DOCK9: variants seen among roughly 807,000 people sequenced by gnomAD.
DOCK9 encodes dedicator of cytokinesis protein 9.
Under a neutral mutation model 263.3 loss-of-function variants are expected in DOCK9, and 89 were observed. The ratio of observed to expected loss-of-function variants is 0.34; its 90% CI spans 0.28 to 0.40. The LOEUF is 0.40. Among genes scored for constraint, DOCK9 ranks in the 10% least tolerant of loss-of-function variants. DOCK9 has a pLI of 1.00. For synonymous variants in DOCK9, 976 were observed against 973.1 expected (o/e 1.00, Z -0.06); for missense variants, 2,140 against 2,603.4 (o/e 0.82, Z 3.87).
intron 36 of DOCK9, 46 bp from the exon 37 acceptor site, chr13:98,848,685 T>A: frequency 6.4e-7 from 1 of 1,563,454 alleles, no homozygotes; most frequent in Non-Finnish European, 8.7e-7. Context: ...AAGATAAAAT[T>A]ATTTTCGGGA....
In DOCK9 at chr13:98,885,514, A is replaced by G. The variant is rs1594963548; in HGVS notation, c.2260+194T>C. ...CAGCTATTCAGGAGGCTGAGGTGGAAGGACAGCTTGAGCTCAAAAATTAAA... is the reference window on the plus strand; with the variant it reads ...CAGCTATTCAGGAGGCTGAGGTGGAGGGACAGCTTGAGCTCAAAAATTAAA... On this transcript the variant is annotated intron_variant, in intron 20 of 52. Transcript: ENST00000682017. The G allele has an allele frequency of 1.1e-5, 6 of 535,416 alleles. No individual in the cohort carries two copies. In the South Asian group the frequency reaches 1.3e-4, roughly 12 times the overall value. The allele number at this position is 535,416 out of a possible 1,614,324, so 33.2% of individuals were successfully genotyped here.
Position 98,811,158 on chromosome 13 carries a change from C to T in DOCK9, c.5131-867G>A, listed in dbSNP as rs941049821. ...TTGGATTGATTGATGTTAATCTCTC[C>T]GTGGAATTTCCTAGTGGGATCCAAT... On this transcript the variant is annotated intron_variant, in intron 45 of 52. Transcript: ENST00000682017. Among the ~76,000 whole-genome samples, 10 of 152,312 alleles carry T rather than the reference C, an allele frequency of 6.6e-5. No individual in the cohort carries two copies. The East Asian group carries it at 7.7e-4, about 12-fold the overall frequency.
At chr13:98,806,405 A>G (rs146282178) in intron 48 of DOCK9, among the ~76,000 whole-genome samples, 3 of 152,338 alleles carry the variant, frequency 2.0e-5, no homozygotes, top group Middle Eastern at 3.4e-3. Flanking sequence ...CAACAAATCA[A>G]TTTTGCACAT....
intron 1 of DOCK9, among the ~76,000 whole-genome samples, chr13:99,074,224 TG>T (rs751621305): frequency 2.0e-5 from 3 of 152,256 alleles, no homozygotes; most frequent in Non-Finnish European, 2.9e-5. Context: ...GGCAGGCAAC[TG>T]CAGCTGCAGA....
At chr13:98,897,402 C>T in intron 15 of DOCK9, 86 bp downstream of exon 15, 1 of 1,530,730 alleles carries the variant, frequency 6.5e-7, no homozygotes, top group Non-Finnish European at 8.8e-7. Context: ...CTAAATCGAG[C>T]AACCTAAGTG....
chr13:99,015,618 G>A (rs1330785663), intron 1 of DOCK9: 25 of 1,580,288 alleles, frequency 1.6e-5, no homozygotes, highest in Non-Finnish European at 2.0e-5. Flanking sequence ...TCCCCAAGGT[G>A]TGGATGTTCA....
At chr13:98,896,892 C>T (rs1025191734) in intron 15 of DOCK9, among the ~76,000 whole-genome samples, 10 of 152,160 alleles carry the variant, frequency 6.6e-5, no homozygotes, top group Non-Finnish European at 1.5e-4. Context: ...TCTGCAGATG[C>T]AATCAGTTAA....
intron 9 of DOCK9, among the ~76,000 whole-genome samples, chr13:98,909,019 A>G (rs1164423190): frequency 6.6e-6 from 1 of 152,218 alleles, no homozygotes; most frequent in Non-Finnish European, 1.5e-5. Context: ...TGGTCAGTCT[A>G]TATTGTGATG....
Position 98,829,905 on chromosome 13 carries a change from A to G in DOCK9, c.4636-149T>C. 2 of 624,334 alleles carry G rather than the reference A, an allele frequency of 3.2e-6. No individual in the cohort carries two copies. Among genetic ancestry groups the G allele is most frequent in the South Asian group, 3.8e-5 (2 of 53,150 alleles). 38.7% of individuals were successfully genotyped at this position (624,334 alleles called of 1,614,324 possible). On this transcript the variant is annotated intron_variant, in intron 41 of 52. Coordinates refer to ENST00000682017, the MANE Select transcript of DOCK9 (RefSeq NM_001366683.2). This position sits in a 1 kb window ranked among gnomAD's most constrained non-coding sequence, Gnocchi z 4.1. ...CAGGGGTCGCTCCGTGTAGGAAACA[A>G]TGTCTGAGGTATTTTCTTCCCCTTT...
intron 35 of DOCK9, among the ~76,000 whole-genome samples, chr13:98,852,408 A>AATT (rs2093599284): frequency 6.6e-6 from 1 of 152,164 alleles, no homozygotes; most frequent in African/African-American, 2.4e-5. Flanking sequence ...TCTGAGCTAA[A>AATT]AAGTCAGGCT....
chr13:98,841,972 T>C (rs1048796345), intron 38 of DOCK9, among the ~76,000 whole-genome samples: 3 of 152,160 alleles, frequency 2.0e-5, no homozygotes, highest in Non-Finnish European at 4.4e-5. Flanking sequence ...TTTGAGTATA[T>C]GTTTAAAGCA....
In DOCK9 at chr13:99,008,227, TA is replaced by T. The variant is rs1254256115; in HGVS notation, c.130-52677del. ...CTCTCTCTCTCTATATATATATATA[TA>T]TATATATTTTTTTTTTTTTTTGAGA... On this transcript the variant is annotated intron_variant, in intron 1 of 32. Coordinates refer to the DOCK9 transcript ENST00000427887. 9.9e-5 allele frequency among the ~76,000 whole-genome samples: 12 copies of T among 121,288 alleles called. No individual in the cohort carries two copies. In the South Asian group the frequency reaches 1.5e-3, roughly 16 times the overall value. 79.6% of individuals were successfully genotyped at this position (121,288 alleles called of 152,430 possible).
rs543770947 is a variant in DOCK9, at chr13:98,824,045, TTAAAACTAA to T, written c.5130+344_5130+352del. 2.7e-3 allele frequency among the ~76,000 whole-genome samples: 417 copies of T among 152,258 alleles called. 3 individuals carry two copies. Among genetic ancestry groups the T allele is most frequent in the African/African-American group, 9.3e-3 (385 of 41,548 alleles). On this transcript the variant is annotated intron_variant, in intron 45 of 52. Coordinates refer to ENST00000682017, the MANE Select transcript of DOCK9 (RefSeq NM_001366683.2). Reference sequence around the variant, plus strand: ...TGGAGACATTAATTTAAAAGTCAGATTAAAACTAAGAAAACTCATGAGCCAGAGAAATTA... The same window carrying T: ...TGGAGACATTAATTTAAAAGTCAGATGAAAACTCATGAGCCAGAGAAATTA...
intron 27 of DOCK9, among the ~76,000 whole-genome samples, chr13:98,872,960 A>G (rs1241759043): frequency 1.3e-5 from 2 of 152,178 alleles, no homozygotes; most frequent in African/African-American, 4.8e-5. Context: ...TGAGGGTGGA[A>G]AGGAAGCTGC....
upstream of DOCK9, chr13:98,978,087 C>G: frequency 1.4e-6 from 2 of 1,420,516 alleles, no homozygotes; most frequent in East Asian, 5.0e-5. Context: ...GGCATGACAG[C>G]AAAGGCCAGC....
chr13:99,073,724 A>G (rs574169191), intron 1 of DOCK9, among the ~76,000 whole-genome samples: 4 of 152,134 alleles, frequency 2.6e-5, no homozygotes, highest in Non-Finnish European at 5.9e-5. Flanking sequence ...TTTCTTCCTT[A>G]CTAAAAAATG....
intron 46 of DOCK9, among the ~76,000 whole-genome samples, chr13:98,809,831 AT>A (rs1190972018): frequency 2.0e-5 from 3 of 152,142 alleles, no homozygotes; most frequent in Non-Finnish European, 4.4e-5. Flanking sequence ...AAGGGACACC[AT>A]TTTTTCACGC....
Position 98,848,513 on chromosome 13 carries a change from C to T in DOCK9, c.4061+79G>A, listed in dbSNP as rs796468729. The T allele has an allele frequency of 2.0e-6, 3 of 1,483,618 alleles. No homozygotes were observed. In the African/African-American group the frequency reaches 4.2e-5, roughly 21 times the overall value. 91.9% of individuals were successfully genotyped at this position (1,483,618 alleles called of 1,614,324 possible). ...TCCATGAACCCCAACTGCCAACCGC[C>T]ACTGATGACCAATCCCACACAATCA... On this transcript the variant is annotated intron_variant, in intron 37 of 52. Transcript: ENST00000682017.
chr13:98,928,020 C>CCA (rs2053311452), intron 3 of DOCK9, among the ~76,000 whole-genome samples: 3 of 47,764 alleles, frequency 6.3e-5, no homozygotes, highest in Admixed American at 2.1e-4. Flanking sequence ...AAAAAAAAAA[C>CCA]AAAAAAAAAC....
Sources: allele counts gnomAD v4.1 joint callset (sites outside exome capture counted in the v4.1 genomes callset), GRCh38; gene constraint gnomAD v4.1.1; non-coding constraint Gnocchi (gnomAD v3.1); transcripts MANE v1.5; gene names NCBI Gene and HGNC (gene_info 2026-07-23, HGNC 2026-07-21).